The following MACO1 variants were observed in gnomAD, a reference collection of about 807,000 sequenced individuals.
MACO1 encodes the protein macoilin 1, also known as macoilin.
In MACO1, 14 loss-of-function variants were observed where a neutral mutation model predicts 78.7. That is an observed-to-expected ratio of 0.18 (90% CI 0.12 to 0.28). MACO1 has a LOEUF of 0.28. Ranked by LOEUF, MACO1 falls within the 10% of genes least tolerant of loss-of-function variation. The pLI is 1.00. For synonymous variants in MACO1, 288 were observed against 291.6 expected (o/e 0.99, Z 0.12); for missense variants, 501 against 799.0 (o/e 0.63, Z 4.50).
At chr1:25,495,706 G>A (rs567043189) in intron 10 of MACO1, among the ~76,000 whole-genome samples, 1 of 152,326 alleles carries the variant, frequency 6.6e-6, no homozygotes, top group South Asian at 2.1e-4. Context: ...GCTCACACCT[G>A]TAATACCAGC....
intron 4 of MACO1, among the ~76,000 whole-genome samples, chr1:25,456,365 T>C (rs957874030): frequency 9.9e-5 from 15 of 152,180 alleles, no homozygotes; most frequent in African/African-American, 2.4e-5. Flanking sequence ...TGACAGTCAC[T>C]GTGGTGACTC....
chr1:25,435,487 A>G (rs532717711), intron 1 of MACO1, among the ~76,000 whole-genome samples: 4 of 152,308 alleles, frequency 2.6e-5, no homozygotes, highest in Admixed American at 6.5e-5. Flanking sequence ...ACCCTTGTCT[A>G]CATCTGATCT....
intron 3 of MACO1, among the ~76,000 whole-genome samples, chr1:25,452,937 C>T (rs1447239305): frequency 6.6e-6 from 1 of 151,762 alleles, no homozygotes; most frequent in African/African-American, 2.4e-5. Flanking sequence ...CCTCGTGATC[C>T]ACCCACCTTG....
intron 10 of MACO1, among the ~76,000 whole-genome samples, chr1:25,497,380 CAAA>C (rs66898111): frequency 4.0e-5 from 5 of 126,562 alleles, no homozygotes; most frequent in African/African-American, 6.0e-5. Flanking sequence ...AACTCCATCT[CAAA>C]AAAAAAAAAA....
intron 5 of MACO1, among the ~76,000 whole-genome samples, chr1:25,457,637 A>G (rs1314507569): frequency 6.6e-6 from 1 of 152,202 alleles, no homozygotes; most frequent in Non-Finnish European, 1.5e-5. Context: ...AACCATTTCT[A>G]ATGGAATCTC....
intron 1 of MACO1, among the ~76,000 whole-genome samples, chr1:25,445,250 G>C (rs1162611914): frequency 6.7e-6 from 1 of 149,878 alleles, no homozygotes; most frequent in Non-Finnish European, 1.5e-5. Context: ...TGTGAGCTAT[G>C]ATCGTGCCAT....
chr1:25,445,245 G>A (rs968530958), intron 1 of MACO1, among the ~76,000 whole-genome samples: 2 of 150,762 alleles, frequency 1.3e-5, no homozygotes, highest in African/African-American at 4.9e-5. Context: ...GCTGCTGTGA[G>A]CTATGATCGT....
chr1:25,467,602 T>C (rs2043230840), intron 6 of MACO1, among the ~76,000 whole-genome samples: 1 of 152,230 alleles, frequency 6.6e-6, no homozygotes, highest in African/African-American at 2.4e-5. Context: ...ATAGTGTTTA[T>C]TTTTAATATG....
At chr1:25,491,719 A>G (rs1227574316) in intron 10 of MACO1, 135 bp downstream of exon 10, 4 of 655,310 alleles carry the variant, frequency 6.1e-6, no homozygotes, top group East Asian at 2.7e-5. Flanking sequence ...AGTGCCCAAC[A>G]TTGAAATATA....
At chr1:25,465,202 T>C (rs1312292410) in intron 6 of MACO1, among the ~76,000 whole-genome samples, 1 of 152,238 alleles carries the variant, frequency 6.6e-6, no homozygotes, top group Non-Finnish European at 1.5e-5. Context: ...GTTTATCCAT[T>C]CACCTGCTGT....
intron 2 of MACO1, 148 bp downstream of exon 2, chr1:25,447,051 C>A: frequency 1.1e-6 from 1 of 938,680 alleles, no homozygotes; most frequent in Non-Finnish European, 1.5e-6. Flanking sequence ...TGTCTAAACC[C>A]ATTGATCAAA....
intron 8 of MACO1, among the ~76,000 whole-genome samples, chr1:25,486,827 C>A (rs72871924): frequency 6.6e-6 from 1 of 152,210 alleles, no homozygotes; most frequent in Non-Finnish European, 1.5e-5. Context: ...TACAGACTTA[C>A]AAGGCCCTTG....
At chr1:25,464,338 C>CTTTTTTTTT (rs71014363) in intron 6 of MACO1, among the ~76,000 whole-genome samples, 3 of 80,988 alleles carry the variant, frequency 3.7e-5, no homozygotes, top group African/African-American at 4.9e-5. Context: ...TTTTTCTTCT[C>CTTTTTTTTT]TTTTTTTTTT....
chr1:25,466,336 G>A (rs963044941), intron 6 of MACO1, among the ~76,000 whole-genome samples: 2 of 151,730 alleles, frequency 1.3e-5, no homozygotes, highest in Admixed American at 6.6e-5. Flanking sequence ...TTTTTGAGAC[G>A]GAGTTTCACT....
In MACO1 at chr1:25,458,926, T is replaced by C. The variant is rs775532554; in HGVS notation, c.1154+34T>C. 8 of 1,579,792 alleles carry C rather than the reference T, an allele frequency of 5.1e-6. No homozygotes were observed. The African/African-American group carries it at 8.1e-5, about 16-fold the overall frequency. On this transcript the variant is annotated intron_variant, in intron 6 of 10. Coordinates refer to ENST00000374343, the MANE Select transcript of MACO1 (RefSeq NM_018202.6). ...ACATGCTGCATCCTTACTAACACTT[T>C]CCAGTAAACTTGACATACTCTTGAC...
intron 3 of MACO1, among the ~76,000 whole-genome samples, chr1:25,453,446 G>A (rs1484067525): frequency 4.6e-5 from 7 of 150,802 alleles, no homozygotes; most frequent in African/African-American, 1.5e-4. Flanking sequence ...GGCGGATCAC[G>A]AGGTCAGCAG....
chr1:25,453,210 T>G (rs1055705020), intron 3 of MACO1, among the ~76,000 whole-genome samples: 4 of 151,058 alleles, frequency 2.6e-5, no homozygotes, highest in Non-Finnish European at 5.9e-5. Flanking sequence ...TTTGCCATGT[T>G]GGCCAGGCTG....
intron 1 of MACO1, among the ~76,000 whole-genome samples, chr1:25,440,253 G>A (rs1481281898): frequency 6.9e-6 from 1 of 145,248 alleles, no homozygotes; most frequent in African/African-American, 2.6e-5. Context: ...AAAAAAATTA[G>A]CCAAGCATGG....
rs2043570119 is a variant in MACO1 at position 25,499,610 on chromosome 1, A to G, written c.*1144A>G. On this transcript the variant is annotated 3_prime_UTR_variant, in exon 11 of 11. Transcript: ENST00000374343. ...ACTCAAAACTCTGCACAAAGATTTCAGTTTCAAATGTGTATTATACATGGG... is the reference window on the plus strand; with the variant it reads ...ACTCAAAACTCTGCACAAAGATTTCGGTTTCAAATGTGTATTATACATGGG... The G allele has an allele frequency of 7.7e-6, 1 of 129,052 alleles. No homozygotes were observed. The highest frequency in any genetic ancestry group is 2.9e-5 in the African/African-American group (1 of 34,466). The allele number at this position is 129,052 out of a possible 1,614,324, so 8.0% of individuals were successfully genotyped here. A position where few individuals can be genotyped will look rare whatever the true frequency, so the allele number is the denominator to read the frequency against.
Sources: gnomAD v4.1 joint callset for allele counts (sites outside exome capture counted in the v4.1 genomes callset) on GRCh38, gnomAD v4.1.1 for gene constraint, MANE v1.5 for transcripts, NCBI Gene and HGNC (gene_info 2026-07-23, HGNC 2026-07-21) for gene names.